Variants in SORCS1 observed in about 807,000 individuals in gnomAD.
SORCS1 encodes the protein sortilin related VPS10 domain containing receptor 1.
A neutral mutation model predicts 146.1 loss-of-function variants in SORCS1; 60 were observed. That is an observed-to-expected ratio of 0.41 (90% CI 0.33 to 0.51). The LOEUF (loss-of-function observed/expected upper bound fraction) is 0.51, where lower values mean the gene tolerates loss of function less well. SORCS1 is among the 20% of genes least tolerant of loss of function. The pLI is 0.21. For synonymous variants in SORCS1, 637 were observed against 584.0 expected (o/e 1.09, Z -1.31); for missense variants, 1,352 against 1,487.6 (o/e 0.91, Z 1.50).
At chr10:106,655,410 C>T (rs1232629360) in intron 17 of SORCS1, among the ~76,000 whole-genome samples, 1 of 152,150 alleles carries the variant, frequency 6.6e-6, no homozygotes, top group East Asian at 1.9e-4. Context: ...ACTGTGCAAA[C>T]TGAAGTCAGG....
At chr10:106,766,682 G>A (rs934166848) in intron 4 of SORCS1, among the ~76,000 whole-genome samples, 2 of 152,164 alleles carry the variant, frequency 1.3e-5, no homozygotes, top group Non-Finnish European at 2.9e-5. Context: ...AAAGAGCCAT[G>A]ATGCCCAATC....
At chr10:106,821,848 G>A (rs185169189) in intron 3 of SORCS1, among the ~76,000 whole-genome samples, 35 of 152,058 alleles carry the variant, frequency 2.3e-4, no homozygotes, top group Middle Eastern at 3.4e-3. Flanking sequence ...CGTGACCCTG[G>A]GAGGCAGAGC....
At chr10:106,648,033 A>AT (rs111547010) in intron 18 of SORCS1, among the ~76,000 whole-genome samples, 47 of 151,398 alleles carry the variant, frequency 3.1e-4, no homozygotes, top group Admixed American at 2.6e-3. Context: ...ACGCCTGGCT[A>AT]TTTTTTTTAA....
chr10:106,938,348 T>C (rs1252276472), intron 2 of SORCS1, among the ~76,000 whole-genome samples: 1 of 152,138 alleles, frequency 6.6e-6, no homozygotes. Flanking sequence ...ATAAGAAAAA[T>C]GGCCTGAAGA....
At chr10:107,025,757 T>C (rs567997440) in intron 1 of SORCS1, among the ~76,000 whole-genome samples, 11 of 152,350 alleles carry the variant, frequency 7.2e-5, no homozygotes, top group African/African-American at 1.9e-4. Context: ...GAGCTGGAAC[T>C]TAATTCCACA....
At chr10:107,139,199 T>C (rs976550879) in intron 1 of SORCS1, among the ~76,000 whole-genome samples, 3 of 152,166 alleles carry the variant, frequency 2.0e-5, no homozygotes, top group Admixed American at 2.0e-4. Context: ...AAAAAGAAAT[T>C]GCAGGTAGAA....
intron 5 of SORCS1, among the ~76,000 whole-genome samples, chr10:106,742,520 T>C (rs990692904): frequency 1.3e-5 from 2 of 152,050 alleles, no homozygotes; most frequent in African/African-American, 4.8e-5. Flanking sequence ...GCTGGGACTA[T>C]AGGCGCATGC....
At chr10:106,792,184 C>T (rs533937811) in intron 3 of SORCS1, among the ~76,000 whole-genome samples, 10 of 152,276 alleles carry the variant, frequency 6.6e-5, no homozygotes, top group Admixed American at 2.0e-4. Flanking sequence ...ATCCCAAGTG[C>T]GTATTTCAAG....
At chr10:106,706,213 G>GAAT (rs1179553790) in intron 8 of SORCS1, among the ~76,000 whole-genome samples, 2 of 56,048 alleles carry the variant, frequency 3.6e-5, no homozygotes, top group Non-Finnish European at 8.6e-5. Context: ...AAAGAAAAAA[G>GAAT]AAAGAAAGAG....
chr10:107,012,106 C>T (rs564567939), intron 1 of SORCS1, among the ~76,000 whole-genome samples: 5 of 152,032 alleles, frequency 3.3e-5, no homozygotes, highest in Non-Finnish European at 7.4e-5. Flanking sequence ...GATTTTTTTT[C>T]GTGAGTTCCT....
At chr10:107,012,487 AC>A (rs1286188835) in intron 1 of SORCS1, among the ~76,000 whole-genome samples, 2 of 152,198 alleles carry the variant, frequency 1.3e-5, no homozygotes, top group African/African-American at 2.4e-5. Context: ...TTATGCTAGC[AC>A]TTTTTATATA....
chr10:106,920,647 G>C (rs1564811402), intron 2 of SORCS1, among the ~76,000 whole-genome samples: 1 of 152,140 alleles, frequency 6.6e-6, no homozygotes, highest in Non-Finnish European at 1.5e-5. Flanking sequence ...TTGCCGCCTT[G>C]CTCCAGGAAA....
chr10:106,844,977 A>C (rs1236736630), intron 2 of SORCS1, among the ~76,000 whole-genome samples: 1 of 143,806 alleles, frequency 7.0e-6, no homozygotes, highest in Admixed American at 7.1e-5. Context: ...AATCCAGTCT[A>C]TCATTGTTGG....
rs115519631 is a variant in SORCS1, at chr10:106,677,297, C to T, written c.1832+16G>A. 1.5e-4 allele frequency: 249 copies of T among 1,611,308 alleles called. No homozygotes were observed. The African/African-American group carries it at 2.6e-3, about 17-fold the overall frequency. On this transcript the variant is annotated intron_variant, in intron 13 of 25. Coordinates refer to ENST00000263054, the MANE Select transcript of SORCS1 (RefSeq NM_052918.5). ...GACCATCAGGTGCAGATTTCACAGGCAGCATGTGCCCTTACCAAAGATGTC... is the reference window on the plus strand; with the variant it reads ...GACCATCAGGTGCAGATTTCACAGGTAGCATGTGCCCTTACCAAAGATGTC...
intron 23 of SORCS1, among the ~76,000 whole-genome samples, chr10:106,606,081 C>A (rs565596724): frequency 6.6e-6 from 1 of 152,218 alleles, no homozygotes; most frequent in East Asian, 1.9e-4. Context: ...AAATCAAAAT[C>A]ATTTCGTTTC....
intron 2 of SORCS1, among the ~76,000 whole-genome samples, chr10:106,859,098 C>A (rs927551493): frequency 1.3e-5 from 2 of 152,232 alleles, no homozygotes; most frequent in African/African-American, 4.8e-5. Context: ...AGCAGACAAG[C>A]TGGTACTGGT....
intron 6 of SORCS1, among the ~76,000 whole-genome samples, chr10:106,722,120 T>TACACAC (rs140882766): frequency 0.021 from 3,006 of 143,976 alleles, 42 homozygotes; most frequent in East Asian, 0.031. Flanking sequence ...AATATATAAA[T>TACACAC]ACACACACAC....
intron 1 of SORCS1, among the ~76,000 whole-genome samples, chr10:107,155,883 G>A (rs1315077867): frequency 1.3e-5 from 2 of 152,166 alleles, no homozygotes; most frequent in Non-Finnish European, 2.9e-5. Flanking sequence ...TTTAAAAAGT[G>A]TACACGTTGT....
Position 106,736,669 on chromosome 10 carries a change from T to C in SORCS1, c.960-6555A>G, listed in dbSNP as rs369437009. On this transcript the variant is annotated intron_variant, in intron 5 of 25. Coordinates refer to ENST00000263054, the MANE Select transcript of SORCS1 (RefSeq NM_052918.5). The stretch of plus-strand genomic sequence containing the variant: ...GTTTTTGTTTTTGAATAGATCATCT[T>C]AGCCTGAGGTCTCGTCTGCGTCCAA... Among the ~76,000 whole-genome samples the C allele has an allele frequency of 6.6e-5, 9 of 135,414 alleles. No homozygotes were observed. The East Asian group carries it at 1.9e-3, about 28-fold the overall frequency. 88.8% of individuals were successfully genotyped at this position (135,414 alleles called of 152,430 possible).
Sources: allele counts gnomAD v4.1 joint callset (sites outside exome capture counted in the v4.1 genomes callset), GRCh38; gene constraint gnomAD v4.1.1; transcripts MANE v1.5; gene names NCBI Gene and HGNC (gene_info 2026-07-23, HGNC 2026-07-21).